The following KIF6 variants were observed in gnomAD, a reference collection of about 807,000 sequenced individuals.
KIF6 encodes the protein kinesin-like protein KIF6.
KIF6 carries 106 observed loss-of-function variants against 112.7 expected under a neutral mutation model. That is an observed-to-expected ratio of 0.94 (90% CI 0.80 to 1.11). The LOEUF (loss-of-function observed/expected upper bound fraction) is 1.11. Among genes scored for constraint, KIF6 ranks in the 50% least tolerant of loss-of-function variants. The probability of loss-of-function intolerance (pLI) is 0.00; values close to 1 mark genes in which losing one functional copy is unlikely to be tolerated. For missense variants in KIF6, 929 were observed against 964.0 expected (o/e 0.96, Z 0.48); for synonymous variants, 339 against 339.9 (o/e 1.00, Z 0.03).
intron 13 of KIF6, among the ~76,000 whole-genome samples, chr6:39,490,073 G>T (rs1775380655): frequency 6.6e-6 from 1 of 152,192 alleles, no homozygotes; most frequent in South Asian, 2.1e-4. Flanking sequence ...TAAAGTACGA[G>T]AAGTGAAAAT....
At chr6:39,706,229 G>A (rs896800754) in intron 3 of KIF6, among the ~76,000 whole-genome samples, 2 of 151,858 alleles carry the variant, frequency 1.3e-5, no homozygotes, top group African/African-American at 4.8e-5. Flanking sequence ...AGTTATTATT[G>A]CAAAAATGAT....
Position 39,708,416 on chromosome 6 carries a change from A to G in KIF6, c.251+6276T>C, listed in dbSNP as rs1190707900. 3.3e-5 allele frequency among the ~76,000 whole-genome samples: 5 copies of G among 152,320 alleles called. No homozygotes were observed. The South Asian group carries it at 8.3e-4, about 25-fold the overall frequency. On this transcript the variant is annotated intron_variant, in intron 3 of 22. Transcript: ENST00000287152. Reference sequence around the variant, plus strand: ...TCATCACTGGTGAAATCAAAGGTTAACCAGTGGTGGCTCATAATGACTAAT... The same window carrying G: ...TCATCACTGGTGAAATCAAAGGTTAGCCAGTGGTGGCTCATAATGACTAAT...
chr6:39,536,354 T>C (rs988511938), intron 13 of KIF6, among the ~76,000 whole-genome samples: 1 of 151,812 alleles, frequency 6.6e-6, no homozygotes, highest in African/African-American at 2.4e-5. Context: ...AATAATCAAA[T>C]AGATGCAATA....
chr6:39,364,097 T>G (rs565298400), intron 16 of KIF6, among the ~76,000 whole-genome samples: 95 of 106,204 alleles, frequency 8.9e-4, no homozygotes, highest in African/African-American at 5.6e-3. Context: ...TGTCTGGAAC[T>G]TTTTTTTTTT....
At chr6:39,340,872 A>G (rs1337101437) in intron 22 of KIF6, among the ~76,000 whole-genome samples, 1 of 152,072 alleles carries the variant, frequency 6.6e-6, no homozygotes, top group East Asian at 1.9e-4. Context: ...GAGGGGAGGA[A>G]TGATGGTTGG....
intron 3 of KIF6, among the ~76,000 whole-genome samples, chr6:39,668,566 G>A (rs548529693): frequency 1.3e-5 from 2 of 152,212 alleles, no homozygotes; most frequent in African/African-American, 2.4e-5. Context: ...TGAATACTTC[G>A]TGTGATGAGA....
At chr6:39,430,145 T>A (rs1037538743) in intron 14 of KIF6, among the ~76,000 whole-genome samples, 6 of 152,108 alleles carry the variant, frequency 3.9e-5, no homozygotes, top group African/African-American at 1.4e-4. Flanking sequence ...TTCTCCTGGT[T>A]CGCCCCCTCT....
chr6:39,609,713 T>C (rs1783107417), intron 6 of KIF6, among the ~76,000 whole-genome samples: 3 of 152,198 alleles, frequency 2.0e-5, no homozygotes, highest in Admixed American at 6.5e-5. Flanking sequence ...TTTTCAAATG[T>C]TGTGGTGTTG....
At chr6:39,398,268 G>A (rs1207196813) in intron 15 of KIF6, among the ~76,000 whole-genome samples, 1 of 152,200 alleles carries the variant, frequency 6.6e-6, no homozygotes, top group East Asian at 1.9e-4. Context: ...AGGGACAGGT[G>A]GATAACTGTT....
chr6:39,462,809 T>C (rs966236660), intron 13 of KIF6, among the ~76,000 whole-genome samples: 1 of 152,212 alleles, frequency 6.6e-6, no homozygotes, highest in African/African-American at 2.4e-5. Context: ...TACTAGATTA[T>C]AAGGGCTAGG....
At chr6:39,610,201 A>G (rs1783140790) in intron 6 of KIF6, among the ~76,000 whole-genome samples, 1 of 152,162 alleles carries the variant, frequency 6.6e-6, no homozygotes, top group Non-Finnish European at 1.5e-5. Flanking sequence ...CTTTTATAAT[A>G]TTTATTCTCT....
chr6:39,403,097 C>T (rs951013040), intron 15 of KIF6, among the ~76,000 whole-genome samples: 1 of 152,144 alleles, frequency 6.6e-6, no homozygotes, highest in Non-Finnish European at 1.5e-5. Context: ...CAGCTGAGGT[C>T]ATTTCTTTTA....
rs536544448 is a variant in KIF6, at chr6:39,663,490, G to T, written c.252-23733C>A. 6.4e-3 allele frequency among the ~76,000 whole-genome samples: 976 copies of T among 152,250 alleles called. 3 individuals are homozygous for T. The highest frequency in any genetic ancestry group is 0.01 in the Non-Finnish European group (708 of 68,016). On this transcript the variant is annotated intron_variant, in intron 3 of 22. Coordinates refer to ENST00000287152, the MANE Select transcript of KIF6 (RefSeq NM_145027.6). ...TGTGCTACTGAAACCAAAGGCAGAAGCATGGCCAGTTGCAGGTGGGAACTG... is the reference window on the plus strand; with the variant it reads ...TGTGCTACTGAAACCAAAGGCAGAATCATGGCCAGTTGCAGGTGGGAACTG...
At chr6:39,528,396 T>C (rs1777857681) in intron 13 of KIF6, among the ~76,000 whole-genome samples, 1 of 152,266 alleles carries the variant, frequency 6.6e-6, no homozygotes, top group Non-Finnish European at 1.5e-5. Context: ...ATCACTTGGC[T>C]ACTGTAAATA....
intron 10 of KIF6, among the ~76,000 whole-genome samples, chr6:39,574,240 T>C (rs1780804823): frequency 6.6e-6 from 1 of 152,220 alleles, no homozygotes; most frequent in Non-Finnish European, 1.5e-5. Flanking sequence ...AATATAAATA[T>C]TATACAATAG....
At chr6:39,440,589 T>G (rs1040039997) in intron 13 of KIF6, among the ~76,000 whole-genome samples, 1 of 151,974 alleles carries the variant, frequency 6.6e-6, no homozygotes, top group Non-Finnish European at 1.5e-5. Context: ...ACCCCCTCAC[T>G]GTTCATCGTC....
intron 10 of KIF6, among the ~76,000 whole-genome samples, chr6:39,561,642 C>T (rs1484639289): frequency 6.6e-6 from 1 of 152,116 alleles, no homozygotes; most frequent in Non-Finnish European, 1.5e-5. Context: ...CAGGTGTGAG[C>T]CGCCGCACCT....
chr6:39,697,211 T>C (rs991507628), intron 3 of KIF6, among the ~76,000 whole-genome samples: 1 of 152,116 alleles, frequency 6.6e-6, no homozygotes, highest in Non-Finnish European at 1.5e-5. Flanking sequence ...GGACTGACAA[T>C]CAGGTTGAGG....
chr6:39,575,431 C>T lies in KIF6; in HGVS notation c.1181+2625G>A, dbSNP rs189765814. 2.1e-3 allele frequency among the ~76,000 whole-genome samples: 324 copies of T among 152,124 alleles called. 1 individual carries two copies. Among genetic ancestry groups the T allele is most frequent in the Middle Eastern group, 0.017 (5 of 294 alleles). ...GACTACAGGCGCCCGCCACCACACCCGGCTAATTTTTTTGTATTTTTAGTA... is the reference window on the plus strand; with the variant it reads ...GACTACAGGCGCCCGCCACCACACCTGGCTAATTTTTTTGTATTTTTAGTA... On this transcript the variant is annotated intron_variant, in intron 10 of 22. Coordinates refer to ENST00000287152, the MANE Select transcript of KIF6 (RefSeq NM_145027.6).
Sources: allele counts gnomAD v4.1 joint callset (sites outside exome capture counted in the v4.1 genomes callset), GRCh38; gene constraint gnomAD v4.1.1; transcripts MANE v1.5; gene names NCBI Gene and HGNC (gene_info 2026-07-23, HGNC 2026-07-21).